Variants in YLPM1 observed in about 807,000 individuals in gnomAD.
The protein encoded by YLPM1 is YLP motif containing 1.
YLPM1 carries 99 observed loss-of-function variants against 230.0 expected under a neutral mutation model. The observed-to-expected ratio is 0.43, with a 90% CI of 0.37 to 0.51. YLPM1 has a LOEUF of 0.51. Among genes scored for constraint, YLPM1 ranks in the 20% least tolerant of loss-of-function variants. The pLI is 0.00. For synonymous variants in YLPM1, 984 were observed against 942.5 expected, an observed-to-expected ratio of 1.04 and a Z score of -0.81; for missense variants, 2,592 against 2,707.7, an observed-to-expected ratio of 0.96 and a Z score of 0.95.
rs1277712134 is a variant in YLPM1 at position 74,809,442 on chromosome 14, C to G, written c.4584C>G (p.Pro1528=). The G allele has an allele frequency of 2.2e-5, 36 of 1,604,224 alleles. No individual in the cohort carries two copies. Among genetic ancestry groups the G allele is most frequent in the Non-Finnish European group, 3.0e-5 (35 of 1,174,858 alleles). Reference sequence around the variant, plus strand: ...AACCACCAGGTTCAATTGTAAGACCCTCTGCTCCACCAGCAAGATCATCTG... The same window carrying G: ...AACCACCAGGTTCAATTGTAAGACCGTCTGCTCCACCAGCAAGATCATCTG... The part of the protein sequence containing the change: ...MGKPPGSIVR[P]SAPPARSSVP... Residue 1528 remains proline, a synonymous_variant, in exon 7 of 21, where the codon CCC becomes CCG. Coordinates refer to ENST00000325680, the MANE Select transcript of YLPM1 (RefSeq NM_019589.3).
At chr14:74,791,487 A>C (rs958180904) in intron 4 of YLPM1, among the ~76,000 whole-genome samples, 1 of 152,018 alleles carries the variant, frequency 6.6e-6, no homozygotes, top group African/African-American at 2.4e-5. Context: ...AATGCCTCCT[A>C]CTTCCTTTGT....
chr14:74,781,248 A>C lies in YLPM1; in HGVS notation c.1291-86A>C, dbSNP rs565549936. 1.8e-5 allele frequency: 25 copies of C among 1,397,268 alleles called. No individual in the cohort carries two copies. In the African/African-American group the frequency reaches 2.9e-4, roughly 16 times the overall value. The allele number at this position is 1,397,268 out of a possible 1,614,324, so 86.6% of individuals were successfully genotyped here. ...AGTGTTCTAATTTCCTAAAGCGTCAAATGCCCTTGATTCATTAATATTTTA... is the reference window on the plus strand; with the variant it reads ...AGTGTTCTAATTTCCTAAAGCGTCACATGCCCTTGATTCATTAATATTTTA... On this transcript the variant is annotated intron_variant, in intron 3 of 20. Transcript: ENST00000325680.
intron 20 of YLPM1, 30 bp from the exon 21 acceptor site, chr14:74,835,745 A>G (rs1035387343): frequency 4.0e-5 from 17 of 426,074 alleles, no homozygotes; most frequent in African/African-American, 3.1e-4. Context: ...TGTTCTTTCC[A>G]GGTGTGACAG....
At chr14:74,783,399 T>C (rs1356827819) in intron 4 of YLPM1, among the ~76,000 whole-genome samples, 1 of 152,194 alleles carries the variant, frequency 6.6e-6, no homozygotes, top group Non-Finnish European at 1.5e-5. Flanking sequence ...AAAAATACTT[T>C]AATCAGTTTT....
In YLPM1 at chr14:74,798,184, G is replaced by A. The variant is rs767098721; in HGVS notation, c.2887G>A (p.Gly963Arg). ...TCAATCTACTTTTCCTTCAAAAACA[G>A]GGGGGATGGAGGGAGGAACAGCAGT... ...PAQSTFPSKT[G>R]GMEGGTAVAT... is the part of the protein sequence containing the mutation. Residue 963 changes from glycine to arginine, a missense_variant, in exon 5 of 21, where the codon GGG (glycine) becomes AGG (arginine). Physicochemically the swap from Gly to Arg is moderately radical, Grantham distance 125. Transcript: ENST00000325680. 1.2e-6 allele frequency: 2 copies of A among 1,613,942 alleles called. No homozygotes were observed. Among genetic ancestry groups the A allele is most frequent in the Admixed American group, 3.3e-5 (2 of 60,020 alleles).
rs766426600 is a variant in YLPM1 at position 74,812,619 on chromosome 14, G to A, written c.5348-9G>A. On this transcript the variant is annotated splice_polypyrimidine_tract_variant and intron_variant, in intron 10 of 20. Transcript: ENST00000325680. ...AAATAGTAATTTTGTTCAACTGCTG[G>A]AATCCTAGGAGAACGAAGGACTTAT... 2 of 1,607,108 alleles carry A rather than the reference G, an allele frequency of 1.2e-6. No individual in the cohort carries two copies. The highest frequency in any genetic ancestry group is 2.2e-5 in the South Asian group (2 of 89,952).
intron 15 of YLPM1, 28 bp downstream of exon 15, chr14:74,817,305 A>G (rs1457860334): frequency 6.5e-7 from 1 of 1,547,358 alleles, no homozygotes; most frequent in South Asian, 1.2e-5. Context: ...AGAATAATAG[A>G]GTACTATCAT....
chr14:74,829,453 G>C (rs1263784904), intron 19 of YLPM1, 110 bp downstream of exon 19: 1 of 1,446,334 alleles, frequency 6.9e-7, no homozygotes, highest in Non-Finnish European at 9.4e-7. Flanking sequence ...GAATGATTTA[G>C]TTTACGCTAT....
chr14:74,772,721 T>C (rs7160852), intron 1 of YLPM1, among the ~76,000 whole-genome samples: 105,855 of 152,014 alleles, frequency 0.7, 37,004 homozygotes, highest in East Asian at 0.78. Flanking sequence ...GTGACCTATA[T>C]TATGATTTCC....
chr14:74,799,721 T>C (rs2091306851), intron 5 of YLPM1, 24 bp downstream of exon 5: 1 of 1,564,768 alleles, frequency 6.4e-7, no homozygotes, highest in African/African-American at 1.4e-5. Context: ...TTCAGATCCT[T>C]TCTTTTAATA....
At position 74,794,572 on chromosome 14, in the gene YLPM1, C is replaced by T. The variant is rs193224821; in HGVS notation, c.2283-3008C>T. ...TTATTGCTGGACAACCAAAAACATTCTCTTTCCCCAGAAAAGCACACAAAG... is the reference window on the plus strand; with the variant it reads ...TTATTGCTGGACAACCAAAAACATTTTCTTTCCCCAGAAAAGCACACAAAG... On this transcript the variant is annotated intron_variant, in intron 4 of 20. Transcript: ENST00000325680. Among the ~76,000 whole-genome samples, 4 of 149,866 alleles carry T rather than the reference C, an allele frequency of 2.7e-5. No individual in the cohort carries two copies. The East Asian group carries it at 7.9e-4, about 30-fold the overall frequency.
chr14:74,823,471 C>T (rs1326947980), intron 17 of YLPM1, among the ~76,000 whole-genome samples: 1 of 152,058 alleles, frequency 6.6e-6, no homozygotes, highest in African/African-American at 2.4e-5. Flanking sequence ...TCAATAGGCA[C>T]ACTGGGAAAT....
intron 1 of YLPM1, among the ~76,000 whole-genome samples, chr14:74,765,764 C>T (rs2090905772): frequency 6.6e-6 from 1 of 152,086 alleles, no homozygotes; most frequent in Non-Finnish European, 1.5e-5. Flanking sequence ...CAGATCAGGC[C>T]TTAATATGTA....
chr14:74,763,783 A>G lies in YLPM1; in HGVS notation c.294A>G (p.Gly98=). The change falls in exon 1 of 21, where the codon GGA becomes GGG. Residue 98 remains glycine (G), a synonymous_variant. Transcript: ENST00000325680. ...CAGTGATGCCGGGGGGCGGCTACGG[A>G]GACTGGCAGCCGCCACCGCCACCGA... is the stretch of plus-strand genomic sequence containing the variant. The part of the protein sequence containing the change: ...PPPVMPGGGY[G]DWQPPPPPMP... 1 of 1,511,854 alleles carries G rather than the reference A, an allele frequency of 6.6e-7. No homozygotes were observed. Among genetic ancestry groups the G allele is most frequent in the East Asian group, 2.3e-5 (1 of 42,688 alleles). 93.7% of individuals were successfully genotyped at this position (1,511,854 alleles called of 1,614,324 possible).
rs766885242 is a variant in YLPM1 at position 74,773,711 on chromosome 14, C to CTTTTTT, written c.874-4714_874-4709dup. 7.8e-3 allele frequency among the ~76,000 whole-genome samples: 475 copies of CTTTTTT among 60,588 alleles called. 40 individuals are homozygous for CTTTTTT. Among genetic ancestry groups the CTTTTTT allele is most frequent in the East Asian group, 0.011 (22 of 2,074 alleles). The allele number at this position is 60,588 out of a possible 152,430, so 39.7% of individuals were successfully genotyped here. A position where few individuals can be genotyped will look rare whatever the true frequency, so the allele number is the denominator to read the frequency against. On this transcript the variant is annotated intron_variant, in intron 1 of 20. Coordinates refer to ENST00000325680, the MANE Select transcript of YLPM1 (RefSeq NM_019589.3). ...TCATGGTCAGTGTGCTGTTTTCTTTCTTTTTTTTTTTTTTTTTTTTTTTTT... is the reference window on the plus strand; with the variant it reads ...TCATGGTCAGTGTGCTGTTTTCTTTCTTTTTTTTTTTTTTTTTTTTTTTTTTTTTTT...
chr14:74,790,987 A>G (rs1196707326), intron 4 of YLPM1, among the ~76,000 whole-genome samples: 2 of 152,198 alleles, frequency 1.3e-5, no homozygotes, highest in Non-Finnish European at 2.9e-5. Flanking sequence ...CATGCCTGTA[A>G]TCCTAGCGCT....
intron 16 of YLPM1, among the ~76,000 whole-genome samples, chr14:74,820,559 C>G (rs12889682): frequency 0.12 from 18,644 of 152,118 alleles, 1,760 homozygotes; most frequent in African/African-American, 0.27. Flanking sequence ...TGACTCTTTA[C>G]TCTGCCCTTG....
intron 19 of YLPM1, 77 bp downstream of exon 19, chr14:74,829,420 T>C: frequency 6.3e-7 from 1 of 1,580,072 alleles, no homozygotes; most frequent in Non-Finnish European, 8.6e-7. Context: ...TACAGGCAGA[T>C]GATCACATGG....
At chr14:74,771,068 G>A (rs771499540) in intron 1 of YLPM1, among the ~76,000 whole-genome samples, 18 of 152,144 alleles carry the variant, frequency 1.2e-4, no homozygotes, top group Non-Finnish European at 2.2e-4. Flanking sequence ...GGGCTGGGCC[G>A]TAGGGTGGAT....
Sources: allele counts gnomAD v4.1 joint callset (sites outside exome capture counted in the v4.1 genomes callset), GRCh38; gene constraint gnomAD v4.1.1; transcripts MANE v1.5; gene names NCBI Gene and HGNC (gene_info 2026-07-23, HGNC 2026-07-21).